ZFAND6: variants seen among roughly 807,000 people sequenced by gnomAD.
ZFAND6 encodes AN1-type zinc finger protein 6.
ZFAND6 carries 12 observed loss-of-function variants against 24.5 expected under a neutral mutation model. That is an observed-to-expected ratio of 0.49 (90% CI 0.31 to 0.79). The LOEUF is 0.79. Among genes scored for constraint, ZFAND6 ranks in the 30% least tolerant of loss-of-function variants. The pLI is 0.04. For synonymous variants in ZFAND6, 92 were observed against 81.5 expected (o/e 1.13, Z -0.69); for missense variants, 207 against 245.9 (o/e 0.84, Z 1.06).
intron 1 of ZFAND6, among the ~76,000 whole-genome samples, chr15:80,068,441 G>A (rs1241543455): frequency 1.3e-5 from 2 of 151,790 alleles, no homozygotes; most frequent in South Asian, 4.2e-4. Context: ...GCACGATCTC[G>A]GCTAACTGCA....
intron 5 of ZFAND6, among the ~76,000 whole-genome samples, chr15:80,129,212 C>G (rs917458503): frequency 1.3e-5 from 2 of 152,144 alleles, no homozygotes; most frequent in Admixed American, 1.3e-4. Context: ...GATATTTATT[C>G]ATTGAAAATA....
At chr15:80,063,176 A>G (rs932059829) in intron 1 of ZFAND6, among the ~76,000 whole-genome samples, 2 of 152,234 alleles carry the variant, frequency 1.3e-5, no homozygotes, top group African/African-American at 4.8e-5. Context: ...CACAAATGGG[A>G]GCTACATTAA....
chr15:80,130,983 T>G (rs2040574529), intron 5 of ZFAND6, 197 bp from the exon 6 acceptor site: 1 of 424,172 alleles, frequency 2.4e-6, no homozygotes, highest in Non-Finnish European at 4.2e-6. Flanking sequence ...TATTCTAGAT[T>G]ATTTTCTACA....
intron 1 of ZFAND6, among the ~76,000 whole-genome samples, chr15:80,091,634 A>G (rs116725266): frequency 0.02 from 1,988 of 100,038 alleles, 34 homozygotes; most frequent in African/African-American, 0.067. Flanking sequence ...TATATTTACT[A>G]TTAAAAAAAA....
chr15:80,104,061 G>A (rs1406317165), intron 2 of ZFAND6, among the ~76,000 whole-genome samples: 3 of 152,088 alleles, frequency 2.0e-5, no homozygotes, highest in African/African-American at 4.8e-5. Flanking sequence ...TGTTGTCCAG[G>A]CTGGTCTTGA....
chr15:80,137,503 G>A lies in ZFAND6; in HGVS notation c.502G>A (p.Val168Ile), dbSNP rs2040918438. The A allele has an allele frequency of 6.2e-7, 1 of 1,603,064 alleles. No homozygotes were observed. Among genetic ancestry groups the A allele is most frequent in the East Asian group, 2.2e-5 (1 of 44,636 alleles). Residue 168 changes from valine to isoleucine, a missense_variant, in exon 7 of 7, where the codon GTT becomes ATT. By Grantham distance (29) the Val-to-Ile change is conservative. Around this residue, in one of 3 missense-constraint regions of ZFAND6, gnomAD observed 45 missense variants for 67.7 expected, o/e 0.66. Transcript: ENST00000261749. ...AGGGTTTGAATGCCGGTGTGGAAAT[G>A]TTTACTGTGGTGTACACCGTTACTC... ...LTGFECRCGN[V>I]YCGVHRYSDV...
In ZFAND6 at chr15:80,105,489, A is replaced by G. The variant is rs544356960; in HGVS notation, c.-18+6911A>G. 1.1e-4 allele frequency among the ~76,000 whole-genome samples: 16 copies of G among 152,314 alleles called. No homozygotes were observed. In the South Asian group the frequency reaches 3.1e-3, roughly 30 times the overall value. ...CTCTCTCTCTCATGATGAACTGCAG[A>G]TATGTGACTTAAATAAGCCACCCAA... On this transcript the variant is annotated intron_variant, in intron 2 of 6. Coordinates refer to ENST00000261749, the MANE Select transcript of ZFAND6 (RefSeq NM_019006.4).
At chr15:80,111,247 C>T (rs2039593016) in intron 2 of ZFAND6, among the ~76,000 whole-genome samples, 1 of 152,194 alleles carries the variant, frequency 6.6e-6, no homozygotes, top group Non-Finnish European at 1.5e-5. Context: ...TATTGCCTTT[C>T]TAATCCTTTC....
intron 5 of ZFAND6, among the ~76,000 whole-genome samples, chr15:80,128,898 C>G (rs774922752): frequency 1.3e-5 from 2 of 152,188 alleles, no homozygotes; most frequent in Non-Finnish European, 2.9e-5. Flanking sequence ...TCACTCTTCT[C>G]CATTTCCAGA....
intron 1 of ZFAND6, among the ~76,000 whole-genome samples, chr15:80,093,875 T>C (rs1467818469): frequency 6.6e-6 from 1 of 152,050 alleles, no homozygotes; most frequent in Non-Finnish European, 1.5e-5. Flanking sequence ...TCGGGAAGGG[T>C]GCAGTAGAAT....
intron 1 of ZFAND6, among the ~76,000 whole-genome samples, chr15:80,070,412 A>C (rs1420026214): frequency 6.6e-6 from 1 of 152,268 alleles, no homozygotes; most frequent in Non-Finnish European, 1.5e-5. Flanking sequence ...TATTGTTTTC[A>C]TATTATCTCG....
intron 1 of ZFAND6, among the ~76,000 whole-genome samples, chr15:80,070,565 C>G (rs1239253359): frequency 1.3e-5 from 2 of 152,154 alleles, no homozygotes; most frequent in South Asian, 2.1e-4. Flanking sequence ...GATGTTCTTT[C>G]AAGCAGGTCC....
rs1483914969 is a variant in ZFAND6 at position 80,121,798 on chromosome 15, A to G, written c.241A>G (p.Thr81Ala). 6.8e-6 allele frequency: 11 copies of G among 1,613,704 alleles called. No individual in the cohort carries two copies. The highest frequency in any genetic ancestry group is 9.3e-6 in the Non-Finnish European group (11 of 1,179,742). ...AGAAGCCCAGTCAGCATTAGACTCT[A>G]CATCTTCATCTATGCAGCCCAGGTA... ...VPEAQSALDSTSSSMQPSPVS... is the reference protein window; with the variant it reads ...VPEAQSALDSASSSMQPSPVS... Residue 81 changes from threonine (T) to alanine (A), a missense_variant, in exon 4 of 7, where the codon ACA becomes GCA. Physicochemically the swap from Thr to Ala is moderately conservative, Grantham distance 58. This residue lies in a region of ZFAND6 where 133 missense variants were observed against 122.8 expected (regional missense o/e 1.08). Transcript: ENST00000261749.
chr15:80,103,544 G>A (rs2039146892), intron 2 of ZFAND6, among the ~76,000 whole-genome samples: 1 of 152,146 alleles, frequency 6.6e-6, no homozygotes, highest in Non-Finnish European at 1.5e-5. Context: ...ACCTCAGATT[G>A]GCTTACTGTT....
chr15:80,097,933 T>A (rs983293323), intron 1 of ZFAND6, among the ~76,000 whole-genome samples: 1 of 152,174 alleles, frequency 6.6e-6, no homozygotes, highest in South Asian at 2.1e-4. Flanking sequence ...GAAATTTTAA[T>A]CTGTCAAGAA....
chr15:80,062,160 ATTAC>A (rs1413783524), intron 1 of ZFAND6, among the ~76,000 whole-genome samples: 1 of 152,164 alleles, frequency 6.6e-6, no homozygotes, highest in Non-Finnish European at 1.5e-5. Flanking sequence ...TCTCTAGCAA[ATTAC>A]TTAAAAATTT....
chr15:80,131,070 TGCTA>T (rs1254725004), intron 5 of ZFAND6, 106 bp from the exon 6 acceptor site: 1 of 767,918 alleles, frequency 1.3e-6, no homozygotes, highest in Non-Finnish European at 2.0e-6. Context: ...TAGTTTTCTG[TGCTA>T]ATAAATTCCT....
chr15:80,068,892 T>C (rs2141807212), intron 1 of ZFAND6, among the ~76,000 whole-genome samples: 1 of 152,376 alleles, frequency 6.6e-6, no homozygotes, highest in East Asian at 1.9e-4. Flanking sequence ...TTTTATTTAC[T>C]GTGGTATCTT....
intron 1 of ZFAND6, among the ~76,000 whole-genome samples, chr15:80,097,809 G>T (rs557959019): frequency 6.6e-5 from 10 of 151,880 alleles, no homozygotes; most frequent in African/African-American, 2.4e-4. Context: ...TGTATTTTTG[G>T]TATTTTGAAA....
Sources: gnomAD v4.1 joint callset for allele counts (sites outside exome capture counted in the v4.1 genomes callset) on GRCh38, gnomAD v4.1.1 for gene constraint, gnomAD v4.1.1 regional missense constraint, MANE v1.5 for transcripts, NCBI Gene and HGNC (gene_info 2026-07-23, HGNC 2026-07-21) for gene names.